The following DLG1 variants were observed in gnomAD, a reference collection of about 807,000 sequenced individuals.
The protein encoded by DLG1 is disks large homolog 1.
Under a neutral mutation model 123.4 loss-of-function variants are expected in DLG1, and 42 were observed. That is an observed-to-expected ratio of 0.34 (90% CI 0.27 to 0.44). The LOEUF is 0.44. Among genes scored for constraint, DLG1 ranks in the 20% least tolerant of loss-of-function variants. The pLI is 1.00. For missense variants in DLG1, 942 were observed against 1,082.6 expected (o/e 0.87, Z 1.82); for synonymous variants, 317 against 356.2 (o/e 0.89, Z 1.24).
chr3:197,232,437 A>G (rs1373899643), intron 4 of DLG1, among the ~76,000 whole-genome samples: 1 of 151,606 alleles, frequency 6.6e-6, no homozygotes, highest in Non-Finnish European at 1.5e-5. Context: ...GAAAACTATT[A>G]TTTTAGAAAA....
chr3:197,133,563 T>C (rs140487384), intron 10 of DLG1, among the ~76,000 whole-genome samples: 10 of 152,330 alleles, frequency 6.6e-5, no homozygotes, highest in African/African-American at 2.2e-4. Context: ...AGGGATTTAA[T>C]GTGAAATGTG....
At chr3:197,230,844 T>G (rs1742555158) in intron 4 of DLG1, among the ~76,000 whole-genome samples, 2 of 152,200 alleles carry the variant, frequency 1.3e-5, no homozygotes, top group Admixed American at 1.3e-4. Flanking sequence ...ATATTTGAAT[T>G]TAATTTTCAC....
At chr3:197,215,920 T>A (rs1019654088) in intron 4 of DLG1, among the ~76,000 whole-genome samples, 22 of 152,160 alleles carry the variant, frequency 1.4e-4, no homozygotes, top group Non-Finnish European at 4.4e-5. Flanking sequence ...CTACATATAT[T>A]TTATACCTAT....
At chr3:197,172,309 A>C (rs1804632040) in intron 5 of DLG1, among the ~76,000 whole-genome samples, 1 of 152,184 alleles carries the variant, frequency 6.6e-6, no homozygotes, top group Non-Finnish European at 1.5e-5. Flanking sequence ...CTTCAGAATG[A>C]TAATTAACAA....
intron 4 of DLG1, among the ~76,000 whole-genome samples, chr3:197,270,325 TA>T (rs1763399465): frequency 6.6e-6 from 1 of 151,958 alleles, no homozygotes; most frequent in East Asian, 1.9e-4. Context: ...ATTTAGTAAA[TA>T]AAAATTTCTC....
intron 24 of DLG1, among the ~76,000 whole-genome samples, chr3:197,046,426 AACG>A (rs1723111409): frequency 6.6e-6 from 1 of 152,252 alleles, no homozygotes; most frequent in African/African-American, 2.4e-5. Context: ...CATCATAAGT[AACG>A]GCACAAGTAG....
At chr3:197,219,144 A>G (rs1052705328) in intron 4 of DLG1, among the ~76,000 whole-genome samples, 1 of 149,212 alleles carries the variant, frequency 6.7e-6, no homozygotes, top group Non-Finnish European at 1.5e-5. Flanking sequence ...AAAAAAGAAG[A>G]AAAAAAAAAG....
chr3:197,189,490 C>A (rs967926114), intron 5 of DLG1, among the ~76,000 whole-genome samples: 2 of 152,012 alleles, frequency 1.3e-5, no homozygotes, highest in African/African-American at 4.8e-5. Context: ...GATTGAAAAT[C>A]CTTATCTACT....
chr3:197,128,349 T>TA (rs1348258036), intron 11 of DLG1, among the ~76,000 whole-genome samples: 1 of 152,238 alleles, frequency 6.6e-6, no homozygotes, highest in Non-Finnish European at 1.5e-5. Context: ...CCTTAGTTGT[T>TA]AAAGTTTTAT....
At chr3:197,175,023 T>C (rs1206821422) in intron 5 of DLG1, among the ~76,000 whole-genome samples, 4 of 152,276 alleles carry the variant, frequency 2.6e-5, no homozygotes, top group East Asian at 1.9e-4. Context: ...AAAGAATGAA[T>C]AGGAAGTGCT....
At chr3:197,292,251 G>A (rs537305524) in intron 3 of DLG1, among the ~76,000 whole-genome samples, 175 of 152,128 alleles carry the variant, frequency 1.2e-3, no homozygotes, top group African/African-American at 3.3e-3. Flanking sequence ...GATAAAATGC[G>A]GTATATACAT....
chr3:197,241,869 A>G (rs1259710353), intron 4 of DLG1, among the ~76,000 whole-genome samples: 1 of 152,184 alleles, frequency 6.6e-6, no homozygotes, highest in Non-Finnish European at 1.5e-5. Flanking sequence ...CAACACATTA[A>G]AACATACCAC....
intron 5 of DLG1, among the ~76,000 whole-genome samples, chr3:197,182,525 A>T (rs1471410247): frequency 6.6e-6 from 1 of 152,204 alleles, no homozygotes; most frequent in Non-Finnish European, 1.5e-5. Context: ...TAAAAAACAT[A>T]TAAAGAAATA....
chr3:197,118,140 G>T (rs1205643669), intron 12 of DLG1, among the ~76,000 whole-genome samples: 1 of 152,116 alleles, frequency 6.6e-6, no homozygotes, highest in African/African-American at 2.4e-5. Context: ...TTCTAGACAA[G>T]AGACTCAAGT....
intron 19 of DLG1, chr3:197,068,541 T>A: frequency 6.4e-7 from 1 of 1,573,946 alleles, no homozygotes; most frequent in Non-Finnish European, 8.6e-7. Flanking sequence ...AAGATTACTT[T>A]CATATTAGAC....
chr3:197,056,309 T>C (rs1433347628), intron 23 of DLG1, among the ~76,000 whole-genome samples: 2 of 152,220 alleles, frequency 1.3e-5, no homozygotes, highest in Non-Finnish European at 2.9e-5. Flanking sequence ...ATACCAGGAA[T>C]ATACCCAACT....
chr3:197,108,641 T>C (rs1468163117), intron 13 of DLG1, among the ~76,000 whole-genome samples: 1 of 152,222 alleles, frequency 6.6e-6, no homozygotes, highest in Non-Finnish European at 1.5e-5. Context: ...AATGTTTTTC[T>C]TCAAGCGTCC....
intron 2 of DLG1, 42 bp downstream of exon 2, chr3:197,297,144 A>G (rs1339314158): frequency 2.5e-6 from 4 of 1,611,778 alleles, no homozygotes; most frequent in African/African-American, 1.3e-5. Flanking sequence ...CACACGGAAA[A>G]GCAAGTGACA....
At chr3:197,076,563 G>C in intron 18 of DLG1, 23 bp downstream of exon 18, 2 of 1,571,046 alleles carry the variant, frequency 1.3e-6, no homozygotes, top group Non-Finnish European at 1.7e-6. Context: ...ATTTTCAGTT[G>C]ACCACTGGAT....
Sources: allele counts gnomAD v4.1 joint callset (sites outside exome capture counted in the v4.1 genomes callset), GRCh38; gene constraint gnomAD v4.1.1; transcripts MANE v1.5; gene names NCBI Gene and HGNC (gene_info 2026-07-23, HGNC 2026-07-21).